Variants in EDAR observed in about 807,000 individuals in gnomAD.
The protein encoded by EDAR is tumor necrosis factor receptor superfamily member EDAR.
A neutral mutation model predicts 51.3 loss-of-function variants in EDAR; 38 were observed. That is an observed-to-expected ratio of 0.74 (90% CI 0.57 to 0.97). The LOEUF is 0.97. Among genes scored for constraint, EDAR ranks in the 50% least tolerant of loss-of-function variants. EDAR has a pLI of 0.00. For missense variants in EDAR, 528 were observed against 595.0 expected, an observed-to-expected ratio of 0.89 and a Z score of 1.17; for synonymous variants, 227 against 242.1, an observed-to-expected ratio of 0.94 and a Z score of 0.58.
At chr2:108,922,474 A>T (rs1697161873) in intron 5 of EDAR, among the ~76,000 whole-genome samples, 1 of 152,318 alleles carries the variant, frequency 6.6e-6, no homozygotes, top group Admixed American at 6.5e-5. Context: ...CACAGCACAG[A>T]ACCCTCCTCC....
intron 5 of EDAR, 23 bp downstream of exon 5, chr2:108,923,345 G>A (rs1336894413): frequency 7.5e-6 from 12 of 1,608,796 alleles, no homozygotes; most frequent in Non-Finnish European, 1.0e-5. Context: ...ATACCGTGCT[G>A]GTGGAAGGAC....
intron 5 of EDAR, among the ~76,000 whole-genome samples, chr2:108,920,251 A>C (rs72937949): frequency 0.044 from 6,660 of 152,286 alleles, 495 homozygotes; most frequent in African/African-American, 0.15. Flanking sequence ...CCACGTCATC[A>C]CATCTTTCCT....
At chr2:108,944,612 G>A (rs958344916) in intron 1 of EDAR, among the ~76,000 whole-genome samples, 1 of 151,952 alleles carries the variant, frequency 6.6e-6, no homozygotes, top group Non-Finnish European at 1.5e-5. Context: ...CAGACCTTAC[G>A]AAGCCCTGCT....
rs72939907 is a variant in EDAR at position 108,965,996 on chromosome 2, G to C, written c.-19+22964C>G. On this transcript the variant is annotated intron_variant, in intron 1 of 11. Coordinates refer to ENST00000258443, the MANE Select transcript of EDAR (RefSeq NM_022336.4). ...AATTCAGGCCTTGTCCCTCATCTTT[G>C]AGTGACACCTTCCCTTTTACAACTG... 6.3e-3 allele frequency among the ~76,000 whole-genome samples: 957 copies of C among 152,222 alleles called. 11 individuals are homozygous for C. The highest frequency in any genetic ancestry group is 0.022 in the African/African-American group (933 of 41,514).
chr2:108,950,363 G>A (rs550385017), intron 1 of EDAR, among the ~76,000 whole-genome samples: 5 of 151,718 alleles, frequency 3.3e-5, no homozygotes, highest in South Asian at 2.1e-4. Flanking sequence ...TGATCCTCCC[G>A]CCTCAGCCTC....
At chr2:108,916,299 T>TTG (rs1186663089) in intron 5 of EDAR, among the ~76,000 whole-genome samples, 1 of 152,206 alleles carries the variant, frequency 6.6e-6, no homozygotes, top group Non-Finnish European at 1.5e-5. Context: ...TCGCCTCTTC[T>TTG]TGTCCCTTCC....
chr2:108,955,842 C>A (rs563363533), intron 1 of EDAR, among the ~76,000 whole-genome samples: 1 of 152,072 alleles, frequency 6.6e-6, no homozygotes, highest in Non-Finnish European at 1.5e-5. Context: ...CTGGCTAACA[C>A]GGCGAAATAC....
At chr2:108,935,230 A>T (rs1409609919) in intron 1 of EDAR, among the ~76,000 whole-genome samples, 1 of 152,128 alleles carries the variant, frequency 6.6e-6, no homozygotes, top group Non-Finnish European at 1.5e-5. Context: ...TAGAATGATG[A>T]CACAGCTGTA....
At chr2:108,945,837 G>T (rs1185014623) in intron 1 of EDAR, among the ~76,000 whole-genome samples, 1 of 152,170 alleles carries the variant, frequency 6.6e-6, no homozygotes, top group Non-Finnish European at 1.5e-5. Flanking sequence ...GATCCCACTT[G>T]TATGAGGTCC....
intron 1 of EDAR, among the ~76,000 whole-genome samples, chr2:108,952,470 T>C (rs1199871831): frequency 1.3e-5 from 2 of 152,254 alleles, no homozygotes; most frequent in Non-Finnish European, 2.9e-5. Context: ...TTTAATTCAC[T>C]GCTTCTCTCT....
chr2:108,923,196 C>T (rs546104882), intron 5 of EDAR, among the ~76,000 whole-genome samples, 172 bp downstream of exon 5: 1 of 152,292 alleles, frequency 6.6e-6, no homozygotes, highest in South Asian at 2.1e-4. Flanking sequence ...ATGTGGCAAA[C>T]ATCCCTCCCT....
chr2:108,958,559 G>A (rs980185940), intron 1 of EDAR, among the ~76,000 whole-genome samples: 2 of 152,196 alleles, frequency 1.3e-5, no homozygotes, highest in African/African-American at 4.8e-5. Context: ...GCACAGTAGA[G>A]AGGGCAGAAG....
chr2:108,923,529 C>T (rs903355718), intron 4 of EDAR, 76 bp from the exon 5 acceptor site: 24 of 1,391,148 alleles, frequency 1.7e-5, no homozygotes, highest in African/African-American at 7.1e-5. Flanking sequence ...GCAGAGAGCA[C>T]GGTGGCCAGT....
At chr2:108,970,670 G>A (rs890853465) in intron 1 of EDAR, among the ~76,000 whole-genome samples, 7 of 152,156 alleles carry the variant, frequency 4.6e-5, no homozygotes, top group African/African-American at 1.7e-4. Context: ...TGGGAAGAGG[G>A]CCCTTTGGAG....
Position 108,895,971 on chromosome 2 carries a change from A to C in EDAR, c.*936T>G, listed in dbSNP as rs2105369973. On this transcript the variant is annotated 3_prime_UTR_variant, in exon 12 of 12. Transcript: ENST00000258443. ...CAGCTGACTACTCATACATGTTTGA[A>C]GTGAAAACACAGCCTGACACATTAT... The C allele has an allele frequency of 2.0e-5, 3 of 152,368 alleles. No individual in the cohort carries two copies. The Middle Eastern group carries it at 0.01, about 518-fold the overall frequency. 9.4% of individuals were successfully genotyped at this position (152,368 alleles called of 1,614,324 possible). A position where few individuals can be genotyped will look rare whatever the true frequency, so the allele number is the denominator to read the frequency against.
rs1696599972 is a variant in EDAR, at chr2:108,896,708, G to A, written c.*199C>T. On this transcript the variant is annotated 3_prime_UTR_variant, in exon 12 of 12. Coordinates refer to ENST00000258443, the MANE Select transcript of EDAR (RefSeq NM_022336.4). Reference sequence around the variant, plus strand: ...GTGAGGTACAGGCGAGCATCTGAAAGTATCCCGGCTCTAGTCCTTTATCTT... The same window carrying A: ...GTGAGGTACAGGCGAGCATCTGAAAATATCCCGGCTCTAGTCCTTTATCTT... The A allele has an allele frequency of 3.3e-6, 2 of 606,456 alleles. No homozygotes were observed. The highest frequency in any genetic ancestry group is 2.8e-5 in the East Asian group (1 of 36,002). The allele number at this position is 606,456 out of a possible 1,614,324, so 37.6% of individuals were successfully genotyped here. A position where few individuals can be genotyped will look rare whatever the true frequency, so the allele number is the denominator to read the frequency against.
At chr2:108,922,517 G>A (rs933188703) in intron 5 of EDAR, among the ~76,000 whole-genome samples, 4 of 152,170 alleles carry the variant, frequency 2.6e-5, no homozygotes, top group Non-Finnish European at 4.4e-5. Flanking sequence ...GAGATGCTGC[G>A]CCCCATTCCT....
intron 11 of EDAR, among the ~76,000 whole-genome samples, chr2:108,900,571 A>AAAAC (rs1558795844): frequency 1.4e-5 from 2 of 147,418 alleles, no homozygotes; most frequent in Admixed American, 6.7e-5. Context: ...AAAAAAAAAA[A>AAAAC]AACAAAAAAC....
chr2:108,927,759 T>C (rs1303095973), intron 4 of EDAR, among the ~76,000 whole-genome samples: 1 of 152,058 alleles, frequency 6.6e-6, no homozygotes, highest in Non-Finnish European at 1.5e-5. Flanking sequence ...GGATGTCCCA[T>C]AGTCCCCTCA....
Sources: allele counts gnomAD v4.1 joint callset (sites outside exome capture counted in the v4.1 genomes callset), GRCh38; gene constraint gnomAD v4.1.1; transcripts MANE v1.5; gene names NCBI Gene and HGNC (gene_info 2026-07-23, HGNC 2026-07-21).